The following COL11A1 variants were observed in gnomAD, a reference collection of about 807,000 sequenced individuals.
COL11A1 encodes collagen type XI alpha 1 chain, also known as collagen alpha-1(XI) chain.
A neutral mutation model predicts 265.2 loss-of-function variants in COL11A1; 74 were observed. That is an observed-to-expected ratio of 0.28 (90% CI 0.23 to 0.34). The LOEUF is 0.34. Among genes scored for constraint, COL11A1 ranks in the 10% least tolerant of loss-of-function variants. COL11A1 has a pLI of 1.00. For synonymous variants in COL11A1, 816 were observed against 727.6 expected (o/e 1.12, Z -1.96); for missense variants, 2,165 against 2,263.6 (o/e 0.96, Z 0.88).
chr1:103,001,872 T>C (rs1396489081), intron 24 of COL11A1, 53 bp downstream of exon 24: 6 of 1,549,084 alleles, frequency 3.9e-6, no homozygotes, highest in Non-Finnish European at 5.4e-6. Flanking sequence ...CTGCCTAAGA[T>C]TGCTAAAACA....
At chr1:103,013,348 G>A (rs1666285694) in intron 13 of COL11A1, among the ~76,000 whole-genome samples, 1 of 151,834 alleles carries the variant, frequency 6.6e-6, no homozygotes, top group South Asian at 2.1e-4. Context: ...GAATTATAAT[G>A]CTTGCTACCT....
chr1:103,046,754 C>T (rs1403756229), intron 4 of COL11A1, among the ~76,000 whole-genome samples: 2 of 151,066 alleles, frequency 1.3e-5, no homozygotes, highest in African/African-American at 4.9e-5. Flanking sequence ...ACGTTTAAGT[C>T]TTTAATCCAT....
At chr1:102,933,952 A>C (rs1001924373) in intron 46 of COL11A1, among the ~76,000 whole-genome samples, 1 of 151,454 alleles carries the variant, frequency 6.6e-6, no homozygotes, top group South Asian at 2.1e-4. Context: ...TTCGGCTCGC[A>C]CACGGTGCGC....
intron 4 of COL11A1, among the ~76,000 whole-genome samples, chr1:103,064,437 T>A (rs962298794): frequency 6.6e-6 from 1 of 152,062 alleles, no homozygotes; most frequent in African/African-American, 2.4e-5. Context: ...ATGCCTGTAA[T>A]CCCAGCACTT....
At chr1:102,880,907 GATA>G (rs1316832400) in intron 65 of COL11A1, among the ~76,000 whole-genome samples, 17 of 152,006 alleles carry the variant, frequency 1.1e-4, no homozygotes, top group Admixed American at 9.2e-4. Flanking sequence ...CTTATACAAA[GATA>G]ATAATGTAAT....
At chr1:102,895,158 A>G (rs1354570105) in intron 57 of COL11A1, among the ~76,000 whole-genome samples, 1 of 152,216 alleles carries the variant, frequency 6.6e-6, no homozygotes, top group East Asian at 1.9e-4. Context: ...CTGATAACAT[A>G]GTGTGGGCAG....
At position 102,995,870 on chromosome 1, in the gene COL11A1, A is replaced by T; in HGVS notation, c.2334T>A (p.Gly778=). 1.9e-6 allele frequency: 3 copies of T among 1,609,350 alleles called. No individual in the cohort carries two copies. Among genetic ancestry groups the T allele is most frequent in the Non-Finnish European group, 2.5e-6 (3 of 1,177,334 alleles). Residue 778 remains glycine, a synonymous_variant, in exon 28 of 67, where the codon GGT becomes GGA. Transcript: ENST00000370096. ...DGVRGLKGSK[G]EKGEDGFPGF... ...CTAAACAATTAAATTTTACCTTTTC[A>T]CCTTTAGATCCCTTGAGACCTCTGA...
At chr1:102,930,600 G>C (rs1007831770) in intron 46 of COL11A1, among the ~76,000 whole-genome samples, 41 of 152,258 alleles carry the variant, frequency 2.7e-4, no homozygotes, top group African/African-American at 9.9e-4. Context: ...AATGATGCTG[G>C]CCTCATAAAA....
chr1:103,002,034 C>G (rs775231653), intron 23 of COL11A1, 65 bp from the exon 24 acceptor site: 20 of 1,332,174 alleles, frequency 1.5e-5, no homozygotes, highest in Admixed American at 3.4e-5. Context: ...TTTAAAACAG[C>G]AAATTATTAG....
chr1:103,050,268 A>G (rs1162540257), intron 4 of COL11A1, among the ~76,000 whole-genome samples: 2 of 152,152 alleles, frequency 1.3e-5, no homozygotes, highest in African/African-American at 4.8e-5. Context: ...CTTTTCACAT[A>G]GTCCCATATT....
intron 49 of COL11A1, 43 bp downstream of exon 49, chr1:102,920,268 T>A: frequency 6.4e-7 from 1 of 1,555,470 alleles, no homozygotes; most frequent in South Asian, 1.1e-5. Flanking sequence ...ATTACAGTTC[T>A]TAATTCATGC....
chr1:103,061,259 C>A (rs1319556931), intron 4 of COL11A1, among the ~76,000 whole-genome samples: 1 of 152,004 alleles, frequency 6.6e-6, no homozygotes, highest in East Asian at 1.9e-4. Context: ...GAAGCAAAAT[C>A]TAATAGATAT....
intron 4 of COL11A1, among the ~76,000 whole-genome samples, chr1:103,064,324 T>A (rs931039414): frequency 2.6e-5 from 4 of 152,102 alleles, no homozygotes; most frequent in African/African-American, 9.7e-5. Context: ...GGTAAACTGA[T>A]AAATATGTAC....
chr1:103,003,315 C>A, intron 20 of COL11A1, 47 bp from the exon 21 acceptor site: 1 of 1,468,050 alleles, frequency 6.8e-7, no homozygotes, highest in Non-Finnish European at 9.5e-7. Context: ...AAAAAAATGT[C>A]CTAATAACAT....
intron 4 of COL11A1, among the ~76,000 whole-genome samples, chr1:103,071,555 G>A (rs1284355521): frequency 6.9e-6 from 1 of 144,788 alleles, no homozygotes; most frequent in African/African-American, 2.6e-5. Context: ...CTGTACTCAG[G>A]TGTTACCTCT....
At chr1:103,051,179 G>A (rs1028965439) in intron 4 of COL11A1, among the ~76,000 whole-genome samples, 4 of 152,186 alleles carry the variant, frequency 2.6e-5, no homozygotes, top group African/African-American at 9.6e-5. Context: ...CTTTTTGTTT[G>A]TCTGTGCCCT....
chr1:102,966,698 T>C (rs200106838), intron 37 of COL11A1, among the ~76,000 whole-genome samples: 1 of 19,482 alleles, frequency 5.1e-5, no homozygotes, highest in Non-Finnish European at 1.4e-4. Context: ...TTGTCAGATT[T>C]ACATACACAC....
At chr1:102,955,396 GAAAACAGC>G (rs1557868421) in intron 41 of COL11A1, among the ~76,000 whole-genome samples, 1 of 152,098 alleles carries the variant, frequency 6.6e-6, no homozygotes, top group African/African-American at 2.4e-5. Context: ...GGAGTCACAG[GAAAACAGC>G]AAAGACTGCT....
At chr1:103,088,838 A>G (rs1673083012) in intron 1 of COL11A1, among the ~76,000 whole-genome samples, 1 of 152,244 alleles carries the variant, frequency 6.6e-6, no homozygotes. Flanking sequence ...GGAGACATGG[A>G]CACGGAGAAA....
Sources: gnomAD v4.1 joint callset for allele counts (sites outside exome capture counted in the v4.1 genomes callset) on GRCh38, gnomAD v4.1.1 for gene constraint, MANE v1.5 for transcripts, NCBI Gene and HGNC (gene_info 2026-07-23, HGNC 2026-07-21) for gene names.